ADAM2: variants seen among roughly 807,000 people sequenced by gnomAD.
ADAM2 encodes disintegrin and metalloproteinase domain-containing protein 2.
ADAM2 carries 101 observed loss-of-function variants against 99.3 expected under a neutral mutation model. The ratio of observed to expected loss-of-function variants is 1.02; its 90% CI spans 0.87 to 1.20. ADAM2 has a LOEUF of 1.20. ADAM2 is among the 50% of genes most tolerant of loss of function. The pLI is 0.00. For missense variants in ADAM2, 948 were observed against 878.7 expected (o/e 1.08, Z -1.00); for synonymous variants, 323 against 287.6 (o/e 1.12, Z -1.25).
intron 18 of ADAM2, 91 bp from the exon 19 acceptor site, chr8:39,746,722 T>C (rs1823482105): frequency 3.0e-6 from 3 of 1,001,580 alleles, no homozygotes; most frequent in South Asian, 3.2e-5. Flanking sequence ...CAAAATAAAA[T>C]CTTTGAACAA....
intron 18 of ADAM2, among the ~76,000 whole-genome samples, chr8:39,747,815 G>C (rs1266064629): frequency 6.6e-6 from 1 of 152,092 alleles, no homozygotes. Context: ...TCATAATAAT[G>C]GTTTCACTTT....
chr8:39,781,412 A>G (rs561908989), intron 10 of ADAM2, among the ~76,000 whole-genome samples: 1 of 152,256 alleles, frequency 6.6e-6, no homozygotes, highest in African/African-American at 2.4e-5. Context: ...CATAAAATAG[A>G]ATCTTTATTT....
At chr8:39,836,918 T>C (rs888592425) in intron 2 of ADAM2, among the ~76,000 whole-genome samples, 1 of 152,110 alleles carries the variant, frequency 6.6e-6, no homozygotes, top group African/African-American at 2.4e-5. Context: ...ATTCAGAAAA[T>C]GGACTTGGGG....
chr8:39,781,976 C>G (rs1268828436), intron 10 of ADAM2, among the ~76,000 whole-genome samples: 1 of 152,096 alleles, frequency 6.6e-6, no homozygotes, highest in African/African-American at 2.4e-5. Flanking sequence ...GAAAACTAAC[C>G]TTTTAAATAA....
Position 39,749,456 on chromosome 8 carries a change from AG to A in ADAM2, c.1876-7del, listed in dbSNP as rs746707171. ...TGCTTTTTGTTATTGCATACCTAAA[AG>A]AAGGAGAAATATCACCTTATAAGAT... On this transcript the variant is annotated splice_polypyrimidine_tract_variant and splice_region_variant and intron_variant, in intron 17 of 20. Transcript: ENST00000265708. The A allele has an allele frequency of 2.5e-6, 4 of 1,609,552 alleles. No individual in the cohort carries two copies. Among genetic ancestry groups the A allele is most frequent in the Admixed American group, 1.7e-5 (1 of 59,346 alleles).
intron 15 of ADAM2, among the ~76,000 whole-genome samples, chr8:39,760,882 C>CAAAAAAAAAAAAAAAAAAAAAAAAAA (rs58386097): frequency 1.7e-5 from 1 of 60,184 alleles, no homozygotes; most frequent in African/African-American, 6.7e-5. Context: ...GACTCCATCT[C>CAAAAAAAAAAAAAAAAAAAAAAAAAA]AAAAAAAAAA....
chr8:39,773,473 A>C (rs1802863099), intron 11 of ADAM2, among the ~76,000 whole-genome samples: 1 of 151,822 alleles, frequency 6.6e-6, no homozygotes, highest in African/African-American at 2.4e-5. Context: ...TAATTAAAAT[A>C]TGATTCTTTA....
At chr8:39,756,647 T>C (rs1802162043) in intron 15 of ADAM2, among the ~76,000 whole-genome samples, 1 of 152,162 alleles carries the variant, frequency 6.6e-6, no homozygotes, top group South Asian at 2.1e-4. Context: ...AAAATCTAAA[T>C]GTCTTCAAGC....
At chr8:39,766,815 C>T (rs368962494) in intron 14 of ADAM2, 33 bp downstream of exon 14, 147 of 1,456,894 alleles carry the variant, frequency 1.0e-4, no homozygotes, top group East Asian at 2.6e-4. Flanking sequence ...CAGAAAAAAA[C>T]GCATATATGA....
chr8:39,806,786 G>A (rs577751760), intron 7 of ADAM2, among the ~76,000 whole-genome samples: 9 of 152,228 alleles, frequency 5.9e-5, no homozygotes, highest in African/African-American at 2.2e-4. Flanking sequence ...GTTCTAAGGA[G>A]AACCCTAAGG....
chr8:39,829,348 T>C (rs1805530656), intron 3 of ADAM2, among the ~76,000 whole-genome samples: 1 of 151,962 alleles, frequency 6.6e-6, no homozygotes, highest in Non-Finnish European at 1.5e-5. Flanking sequence ...ACAAATGTCT[T>C]AAACAGGCAC....
intron 12 of ADAM2, among the ~76,000 whole-genome samples, chr8:39,768,824 G>A (rs893262714): frequency 2.6e-5 from 4 of 152,152 alleles, no homozygotes; most frequent in Admixed American, 6.5e-5. Context: ...TCAGGGAGGG[G>A]AAAATAGGGA....
chr8:39,799,595 T>C (rs1217465405), intron 7 of ADAM2, among the ~76,000 whole-genome samples: 1 of 152,154 alleles, frequency 6.6e-6, no homozygotes, highest in Non-Finnish European at 1.5e-5. Context: ...TCCTTGTTAA[T>C]TTTCTATCTT....
At chr8:39,826,949 C>G (rs1423961957) in intron 3 of ADAM2, among the ~76,000 whole-genome samples, 2 of 151,732 alleles carry the variant, frequency 1.3e-5, no homozygotes, top group African/African-American at 4.8e-5. Flanking sequence ...GGAAACACCA[C>G]CACAAAGAGA....
intron 10 of ADAM2, 27 bp downstream of exon 10, chr8:39,786,947 T>C: frequency 6.7e-7 from 1 of 1,484,876 alleles, no homozygotes; most frequent in Non-Finnish European, 9.2e-7. Context: ...TTATGTAGCA[T>C]ACTTTCTATA....
chr8:39,793,976 G>A (rs1803830355), intron 7 of ADAM2, among the ~76,000 whole-genome samples: 1 of 152,104 alleles, frequency 6.6e-6, no homozygotes, highest in Non-Finnish European at 1.5e-5. Context: ...AACGACAATT[G>A]GAAAAGTGAC....
chr8:39,777,180 T>C lies in ADAM2; in HGVS notation c.892-19A>G. The C allele has an allele frequency of 6.3e-7, 1 of 1,589,810 alleles. No homozygotes were observed. Among genetic ancestry groups the C allele is most frequent in the Non-Finnish European group, 8.6e-7 (1 of 1,169,050 alleles). Reference sequence around the variant, plus strand: ...TGGGGTGCTGAGAAAAAAAAATAGATGTACACGTTTTGGGAGATTATTTTG... The same window carrying C: ...TGGGGTGCTGAGAAAAAAAAATAGACGTACACGTTTTGGGAGATTATTTTG... On this transcript the variant is annotated intron_variant, in intron 10 of 20. Transcript: ENST00000265708.
At chr8:39,835,477 G>T (rs947051348) in intron 2 of ADAM2, among the ~76,000 whole-genome samples, 11 of 152,154 alleles carry the variant, frequency 7.2e-5, no homozygotes, top group African/African-American at 2.4e-4. Context: ...GAGGTCAGGA[G>T]ATCGAGACCA....
chr8:39,761,381 G>A, intron 14 of ADAM2, 100 bp from the exon 15 acceptor site: 3 of 583,156 alleles, frequency 5.1e-6, no homozygotes, highest in Admixed American at 3.6e-5. Context: ...GATATTCATT[G>A]TACAAAATAA....
Sources: allele counts gnomAD v4.1 joint callset (sites outside exome capture counted in the v4.1 genomes callset), GRCh38; gene constraint gnomAD v4.1.1; transcripts MANE v1.5; gene names NCBI Gene and HGNC (gene_info 2026-07-23, HGNC 2026-07-21).